Variants in COPA observed in about 807,000 individuals in gnomAD.
The protein encoded by COPA is coatomer subunit alpha.
Under a neutral mutation model 158.7 loss-of-function variants are expected in COPA, and 10 were observed. That is an observed-to-expected ratio of 0.06 (90% confidence interval 0.04 to 0.11). COPA has a LOEUF of 0.11. Ranked by LOEUF, COPA falls within the 10% of genes least tolerant of loss-of-function variation. The pLI is 1.00. For missense variants in COPA, 1,065 were observed against 1,536.7 expected (o/e 0.69, Z 5.13); for synonymous variants, 462 against 542.8 (o/e 0.85, Z 2.07).
intron 13 of COPA, among the ~76,000 whole-genome samples, chr1:160,307,727 C>T (rs193029940): frequency 2.6e-5 from 4 of 152,280 alleles, no homozygotes; most frequent in East Asian, 3.9e-4. Context: ...TGGTGCTGGG[C>T]GGTATTTAGA....
intron 1 of COPA, among the ~76,000 whole-genome samples, chr1:160,340,658 T>A (rs1031319762): frequency 6.6e-6 from 1 of 152,160 alleles, no homozygotes; most frequent in Non-Finnish European, 1.5e-5. Flanking sequence ...TGAAGCCCTG[T>A]AATATTAGGA....
At chr1:160,308,690 T>C (rs1372811641) in intron 13 of COPA, among the ~76,000 whole-genome samples, 1 of 152,138 alleles carries the variant, frequency 6.6e-6, no homozygotes, top group Non-Finnish European at 1.5e-5. Context: ...CTTTTTGACA[T>C]GCAAAAGGAA....
chr1:160,313,437 C>T (rs547713365), intron 9 of COPA, among the ~76,000 whole-genome samples: 4 of 150,226 alleles, frequency 2.7e-5, no homozygotes, highest in East Asian at 2.0e-4. Flanking sequence ...TTTTTTGAGA[C>T]GGAGTCTCGC....
chr1:160,307,274 G>T lies in COPA; in HGVS notation c.1220-29C>A, dbSNP rs368034005. 9.6e-5 allele frequency: 154 copies of T among 1,607,318 alleles called. 1 individual carries two copies. Among genetic ancestry groups the T allele is most frequent in the Middle Eastern group, 6.6e-4 (4 of 6,042 alleles). Reference sequence around the variant, plus strand: ...AGAAGAACAAAACCAAAGGGTGGGAGCATGTGGTGAGTCACTGGCAGGTGA... The same window carrying T: ...AGAAGAACAAAACCAAAGGGTGGGATCATGTGGTGAGTCACTGGCAGGTGA... On this transcript the variant is annotated intron_variant, in intron 13 of 32. Transcript: ENST00000241704.
At chr1:160,333,835 T>C (rs1647643595) in intron 4 of COPA, among the ~76,000 whole-genome samples, 156 bp from the exon 5 acceptor site, 1 of 152,254 alleles carries the variant, frequency 6.6e-6, no homozygotes, top group Non-Finnish European at 1.5e-5. Flanking sequence ...TGTCTCCTTT[T>C]CTCTACCACT....
chr1:160,339,816 A>T, intron 3 of COPA, 93 bp downstream of exon 3: 1 of 1,172,292 alleles, frequency 8.5e-7, no homozygotes, highest in Non-Finnish European at 1.3e-6. Flanking sequence ...GCTCTGTATG[A>T]ATGAAATTTC....
At chr1:160,292,462 A>T in intron 28 of COPA, 22 bp downstream of exon 28, 1 of 1,612,956 alleles carries the variant, frequency 6.2e-7, no homozygotes, top group Non-Finnish European at 8.5e-7. Flanking sequence ...AACAGATGAA[A>T]GCAAAGAGAA....
At chr1:160,329,553 T>C (rs1053248076) in intron 6 of COPA, among the ~76,000 whole-genome samples, 4 of 151,864 alleles carry the variant, frequency 2.6e-5, no homozygotes, top group Middle Eastern at 3.4e-3. Flanking sequence ...CCAAACTGCA[T>C]TGGCTAGACT....
chr1:160,292,124 A>T lies in COPA; in HGVS notation c.3035T>A (p.Leu1012Gln), dbSNP rs895057627. 31 of 1,614,194 alleles carry T rather than the reference A, an allele frequency of 1.9e-5. No homozygotes were observed. The highest frequency in any genetic ancestry group is 2.6e-5 in the Non-Finnish European group (31 of 1,180,040). The change falls in exon 29 of 33, where the codon CTG (leucine) becomes CAG (glutamine). Residue 1012 changes from leucine (L) to glutamine (Q), a missense_variant. Physicochemically the swap from Leu to Gln is moderately radical, Grantham distance 113. Coordinates refer to ENST00000241704, the MANE Select transcript of COPA (RefSeq NM_004371.4). ...KLNDLIQRLQ[L>Q]CYQLTTVGKF... ...GCCAACTGTGGTGAGCTGGTAGCAC[A>T]GCTGCAACCGTTGGATGAGGTCATT...
intron 14 of COPA, among the ~76,000 whole-genome samples, 191 bp from the exon 15 acceptor site, chr1:160,306,684 T>C (rs981532533): frequency 2.0e-5 from 3 of 152,232 alleles, no homozygotes; most frequent in Non-Finnish European, 4.4e-5. Flanking sequence ...TACATTATTT[T>C]TTCTCCTCCA....
intron 8 of COPA, among the ~76,000 whole-genome samples, chr1:160,323,029 T>C (rs972772995): frequency 2.4e-4 from 36 of 150,696 alleles, no homozygotes; most frequent in Admixed American, 7.2e-4. Flanking sequence ...TGGAATATTA[T>C]TCAGCTATAA....
chr1:160,337,661 G>A (rs1647839088), intron 3 of COPA, among the ~76,000 whole-genome samples: 1 of 152,048 alleles, frequency 6.6e-6, no homozygotes, highest in Non-Finnish European at 1.5e-5. Context: ...GGAGGCTGCA[G>A]TGAGCCGAGA....
At chr1:160,333,110 G>C (rs1400587150) in intron 5 of COPA, among the ~76,000 whole-genome samples, 2 of 152,224 alleles carry the variant, frequency 1.3e-5, no homozygotes, top group East Asian at 3.9e-4. Context: ...TTTTAGTAGA[G>C]ACGGGGTTTC....
At chr1:160,310,103 C>A (rs1658917937) in intron 12 of COPA, 89 bp downstream of exon 12, 9 of 721,372 alleles carry the variant, frequency 1.2e-5, no homozygotes, top group African/African-American at 1.8e-5. Context: ...TAAATAGTTT[C>A]TAAGAAGCCA....
chr1:160,318,508 A>C (rs996222619), intron 8 of COPA, among the ~76,000 whole-genome samples: 7 of 137,918 alleles, frequency 5.1e-5, no homozygotes, highest in Non-Finnish European at 1.1e-4. Context: ...AAAAAAAAAA[A>C]CACTAATGTG....
chr1:160,334,219 C>T (rs1419788479), intron 4 of COPA, among the ~76,000 whole-genome samples: 2 of 152,184 alleles, frequency 1.3e-5, no homozygotes, highest in African/African-American at 2.4e-5. Context: ...CTTCTTACTA[C>T]ACTTGCTAAG....
intron 28 of COPA, 85 bp from the exon 29 acceptor site, chr1:160,292,283 C>T (rs1488964398): frequency 1.3e-6 from 2 of 1,562,312 alleles, no homozygotes; most frequent in Non-Finnish European, 1.7e-6. Flanking sequence ...ATCCTCATAG[C>T]TACCCTCCTG....
At chr1:160,309,560 C>A (rs4656254) in intron 12 of COPA, among the ~76,000 whole-genome samples, 11,504 of 151,350 alleles carry the variant, frequency 0.076, 564 homozygotes, top group African/African-American at 0.13. Flanking sequence ...AGAAAAGACA[C>A]TATAGGAATG....
At chr1:160,313,007 G>C (rs1038119820) in intron 10 of COPA, 78 bp downstream of exon 10, 1 of 1,296,204 alleles carries the variant, frequency 7.7e-7, no homozygotes, top group Non-Finnish European at 1.1e-6. Context: ...ACATTTACTA[G>C]AGACAAAGCT....
Sources: allele counts gnomAD v4.1 joint callset (sites outside exome capture counted in the v4.1 genomes callset), GRCh38; gene constraint gnomAD v4.1.1; transcripts MANE v1.5; gene names NCBI Gene and HGNC (gene_info 2026-07-23, HGNC 2026-07-21).